The following SEMA5A variants were observed in gnomAD, a reference collection of about 807,000 sequenced individuals.
SEMA5A encodes semaphorin 5A.
Under a neutral mutation model 135.5 loss-of-function variants are expected in SEMA5A, and 55 were observed. The observed-to-expected ratio is 0.41, with a 90% CI of 0.33 to 0.51. The LOEUF is 0.51. SEMA5A is among the 20% of genes least tolerant of loss of function. SEMA5A has a pLI of 0.37. For missense variants in SEMA5A, 1,290 were observed against 1,419.9 expected (o/e 0.91, Z 1.47); for synonymous variants, 580 against 546.5 (o/e 1.06, Z -0.85).
chr5:9,486,935 C>A (rs1270535901), intron 1 of SEMA5A, among the ~76,000 whole-genome samples: 1 of 152,014 alleles, frequency 6.6e-6, no homozygotes, highest in Non-Finnish European at 1.5e-5. Context: ...GAAATTAGCA[C>A]CCTCTACTCC....
chr5:9,190,664 CT>C (rs1745059086), intron 10 of SEMA5A, among the ~76,000 whole-genome samples, 193 bp from the exon 11 acceptor site: 1 of 152,100 alleles, frequency 6.6e-6, no homozygotes, highest in East Asian at 1.9e-4. Flanking sequence ...TAGATTTGAA[CT>C]CATATCTTGG....
At position 9,041,376 on chromosome 5, in the gene SEMA5A, C is replaced by A. The variant is rs1039933914; in HGVS notation, c.*1521G>T. On this transcript the variant is annotated 3_prime_UTR_variant, in exon 23 of 23. Coordinates refer to ENST00000382496, the MANE Select transcript of SEMA5A (RefSeq NM_003966.3). ...TTTCCGTGTCTACCCAGGACTTTAT[C>A]ACATGCTCAGAGGCATCAGATGAAC... 4 of 152,204 alleles carry A rather than the reference C, an allele frequency of 2.6e-5. No individual in the cohort carries two copies. 9.4% of individuals were successfully genotyped at this position (152,204 alleles called of 1,614,324 possible). A position where few individuals can be genotyped will look rare whatever the true frequency, so the allele number is the denominator to read the frequency against.
intron 1 of SEMA5A, among the ~76,000 whole-genome samples, chr5:9,538,092 G>A (rs756113745): frequency 8.5e-5 from 13 of 152,268 alleles, no homozygotes; most frequent in Non-Finnish European, 1.6e-4. Context: ...AAACAAGGTG[G>A]GAGAGCTAAA....
intron 1 of SEMA5A, among the ~76,000 whole-genome samples, chr5:9,541,025 C>A (rs1738053686): frequency 6.6e-6 from 1 of 152,108 alleles, no homozygotes; most frequent in South Asian, 2.1e-4. Flanking sequence ...TAGTTGCTTT[C>A]CTTGACTCTG....
chr5:9,096,695 A>G (rs1739334184), intron 16 of SEMA5A, among the ~76,000 whole-genome samples: 1 of 152,166 alleles, frequency 6.6e-6, no homozygotes, highest in Admixed American at 6.5e-5. Context: ...CAAAGTATAC[A>G]TCAGATAAGG....
chr5:9,465,062 TTC>T (rs1759205520), intron 1 of SEMA5A, among the ~76,000 whole-genome samples: 1 of 139,176 alleles, frequency 7.2e-6, no homozygotes, highest in Non-Finnish European at 1.6e-5. Context: ...ATGAGGTCAT[TTC>T]ATTCTGGATT....
intron 3 of SEMA5A, among the ~76,000 whole-genome samples, chr5:9,342,280 TCTGA>T (rs1753686824): frequency 6.6e-6 from 1 of 152,112 alleles, no homozygotes; most frequent in Non-Finnish European, 1.5e-5. Context: ...CATTCCAAAA[TCTGA>T]CTGAGAGCCA....
intron 12 of SEMA5A, among the ~76,000 whole-genome samples, chr5:9,139,863 C>T (rs1405070341): frequency 1.3e-5 from 2 of 152,186 alleles, no homozygotes; most frequent in Non-Finnish European, 2.9e-5. Context: ...ATTATAGAAA[C>T]ATCACTCCCC....
intron 5 of SEMA5A, among the ~76,000 whole-genome samples, chr5:9,269,687 T>A (rs1211152893): frequency 2.0e-5 from 3 of 152,124 alleles, no homozygotes; most frequent in Non-Finnish European, 4.4e-5. Flanking sequence ...AATGTAAGAT[T>A]ATACATGGTG....
rs150156761 is a variant in SEMA5A, at chr5:9,443,707, T to C, written c.-174-5855A>G. On this transcript the variant is annotated intron_variant, in intron 1 of 22. Coordinates refer to ENST00000382496, the MANE Select transcript of SEMA5A (RefSeq NM_003966.3). ...TATATGGTTCTCACGCCTGCATTAG[T>C]ATCTTTGAAGGATACAAATAACAGC... is the stretch of plus-strand genomic sequence containing the variant. Among the ~76,000 whole-genome samples the C allele has an allele frequency of 1.9e-3, 285 of 152,370 alleles. 1 individual carries two copies. Among genetic ancestry groups the C allele is most frequent in the African/African-American group, 6.6e-3 (273 of 41,582 alleles).
intron 3 of SEMA5A, among the ~76,000 whole-genome samples, chr5:9,348,919 G>T (rs1753992369): frequency 6.6e-6 from 1 of 152,174 alleles, no homozygotes; most frequent in Non-Finnish European, 1.5e-5. Flanking sequence ...TTCAGAATTT[G>T]CCAGACCTCA....
intron 2 of SEMA5A, among the ~76,000 whole-genome samples, chr5:9,433,140 T>C (rs1291052377): frequency 2.6e-5 from 4 of 152,170 alleles, no homozygotes; most frequent in African/African-American, 7.2e-5. Context: ...AAATTGGGGA[T>C]TGATTTTTTT....
intron 1 of SEMA5A, among the ~76,000 whole-genome samples, chr5:9,529,742 T>G (rs1737340448): frequency 6.6e-6 from 1 of 152,206 alleles, no homozygotes; most frequent in Non-Finnish European, 1.5e-5. Flanking sequence ...AAATATGAAC[T>G]TAGCTTCCTA....
intron 5 of SEMA5A, among the ~76,000 whole-genome samples, chr5:9,310,569 T>C (rs1033368578): frequency 2.6e-5 from 4 of 151,974 alleles, no homozygotes; most frequent in Non-Finnish European, 4.4e-5. Flanking sequence ...AATATCTCAT[T>C]GGAATAGTTA....
chr5:9,428,341 G>A (rs562319285), intron 2 of SEMA5A, among the ~76,000 whole-genome samples: 9 of 152,150 alleles, frequency 5.9e-5, no homozygotes, highest in Non-Finnish European at 1.2e-4. Context: ...GCTGTGCTGC[G>A]CTATTTTTAT....
At chr5:9,421,927 T>C (rs71597587) in intron 2 of SEMA5A, among the ~76,000 whole-genome samples, 10,641 of 152,298 alleles carry the variant, frequency 0.07, 429 homozygotes, top group Middle Eastern at 0.092. Flanking sequence ...ATTGCAGGAA[T>C]TGCAAATATT....
chr5:9,358,456 C>T (rs1754549093), intron 3 of SEMA5A, among the ~76,000 whole-genome samples: 1 of 152,168 alleles, frequency 6.6e-6, no homozygotes, highest in African/African-American at 2.4e-5. Flanking sequence ...TCTCCTTCAA[C>T]AAGAGGAAGG....
At position 9,238,003 on chromosome 5, in the gene SEMA5A, G is replaced by A. The variant is rs1369980456; in HGVS notation, c.271-113C>T. 4 of 856,346 alleles carry A rather than the reference G, an allele frequency of 4.7e-6. No homozygotes were observed. The African/African-American group carries it at 6.8e-5, about 15-fold the overall frequency. 53.0% of individuals were successfully genotyped at this position (856,346 alleles called of 1,614,324 possible). ...GATTAGGAAATATGGCTGCATCCTG[G>A]CACCAACATTTTCATACTCATAGAA... On this transcript the variant is annotated intron_variant, in intron 5 of 22. Coordinates refer to ENST00000382496, the MANE Select transcript of SEMA5A (RefSeq NM_003966.3).
At chr5:9,248,314 T>C (rs1051249437) in intron 5 of SEMA5A, among the ~76,000 whole-genome samples, 3 of 152,148 alleles carry the variant, frequency 2.0e-5, no homozygotes, top group South Asian at 2.1e-4. Context: ...TCCATCTATT[T>C]AAATCATTCC....
Sources: allele counts gnomAD v4.1 joint callset (sites outside exome capture counted in the v4.1 genomes callset), GRCh38; gene constraint gnomAD v4.1.1; transcripts MANE v1.5; gene names NCBI Gene and HGNC (gene_info 2026-07-23, HGNC 2026-07-21).